Variants in CCDC85C observed in about 807,000 individuals in gnomAD.
CCDC85C encodes coiled-coil domain containing 85C.
In CCDC85C, 18 loss-of-function variants were observed where a neutral mutation model predicts 38.3. The ratio of observed to expected loss-of-function variants is 0.47; its 90% confidence interval spans 0.33 to 0.70. CCDC85C has a LOEUF of 0.70. Among genes scored for constraint, CCDC85C ranks in the 30% least tolerant of loss-of-function variants. CCDC85C has a pLI of 0.03. For synonymous variants in CCDC85C, 264 were observed against 293.8 expected, an observed-to-expected ratio of 0.90 and a Z score of 1.04; for missense variants, 566 against 621.2, an observed-to-expected ratio of 0.91 and a Z score of 0.94.
intron 1 of CCDC85C, among the ~76,000 whole-genome samples, chr14:99,563,203 T>C (rs543652810): frequency 2.0e-3 from 308 of 152,346 alleles, no homozygotes; most frequent in Non-Finnish European, 3.7e-3. Context: ...GCCTCAGCCA[T>C]GGCAGGGACT....
chr14:99,507,175 A>G lies in CCDC85C; in HGVS notation c.*8071T>C, dbSNP rs780803236. The G allele has an allele frequency of 1.5e-6, 2 of 1,367,860 alleles. No homozygotes were observed. The highest frequency in any genetic ancestry group is 1.2e-5 in the South Asian group (1 of 86,246). 84.7% of individuals were successfully genotyped at this position (1,367,860 alleles called of 1,614,324 possible). ...AAGCATCTGCTGAAGCAGCTTGGCC[A>G]GCTGTGCACATCGCCTCTGAATGTT... On this transcript the variant is annotated 3_prime_UTR_variant, in exon 6 of 6. Coordinates refer to ENST00000380243, the MANE Select transcript of CCDC85C (RefSeq NM_001144995.2).
Position 99,572,666 on chromosome 14 carries a change from T to C in CCDC85C, c.793+30501A>G, listed in dbSNP as rs1342316697. On this transcript the variant is annotated intron_variant, in intron 1 of 5. Transcript: ENST00000380243. This position sits in a 1 kb window ranked among gnomAD's most constrained non-coding sequence, Gnocchi z 4.4. Reference sequence around the variant, plus strand: ...TCCAAGCCCCAGGTGACCTGGCCCCTCCTTAAGAGGCCTCCCCTGCCACCA... The same window carrying C: ...TCCAAGCCCCAGGTGACCTGGCCCCCCCTTAAGAGGCCTCCCCTGCCACCA... 2 of 455,748 alleles carry C rather than the reference T, an allele frequency of 4.4e-6. No individual in the cohort carries two copies. Among genetic ancestry groups the C allele is most frequent in the Non-Finnish European group, 8.8e-6 (2 of 226,706 alleles). The allele number at this position is 455,748 out of a possible 1,614,324, so 28.2% of individuals were successfully genotyped here.
chr14:99,587,246 G>A (rs1264931793), intron 1 of CCDC85C, among the ~76,000 whole-genome samples: 1 of 152,224 alleles, frequency 6.6e-6, no homozygotes, highest in African/African-American at 2.4e-5. Context: ...GAGAATCCCG[G>A]GTTCAGAGCA....
intron 1 of CCDC85C, among the ~76,000 whole-genome samples, chr14:99,542,426 C>A (rs1020119774): frequency 6.6e-6 from 1 of 152,184 alleles, no homozygotes. Context: ...CCGTCCATAA[C>A]CATATTCATC....
intron 1 of CCDC85C, among the ~76,000 whole-genome samples, chr14:99,587,450 G>A (rs1338340291): frequency 6.6e-6 from 1 of 152,186 alleles, no homozygotes; most frequent in Admixed American, 6.5e-5. Flanking sequence ...ACCAAGAACA[G>A]GGTACATGGA....
At chr14:99,571,175 C>T (rs1386900759) in intron 1 of CCDC85C, among the ~76,000 whole-genome samples, 3 of 152,082 alleles carry the variant, frequency 2.0e-5, no homozygotes, top group African/African-American at 7.2e-5. Context: ...GAGGGGCCAG[C>T]CGGAGACAGG....
intron 1 of CCDC85C, among the ~76,000 whole-genome samples, chr14:99,577,889 C>T (rs1332596604): frequency 6.8e-6 from 1 of 147,588 alleles, no homozygotes; most frequent in Non-Finnish European, 1.5e-5. Flanking sequence ...ATCTCCACAC[C>T]CATACAGCCC....
Position 99,510,135 on chromosome 14 carries a change from C to T in CCDC85C, c.*5111G>A. The T allele has an allele frequency of 6.3e-7, 1 of 1,584,304 alleles. No homozygotes were observed. The highest frequency in any genetic ancestry group is 8.5e-7 in the Non-Finnish European group (1 of 1,169,944). On this transcript the variant is annotated 3_prime_UTR_variant, in exon 6 of 6. Coordinates refer to ENST00000380243, the MANE Select transcript of CCDC85C (RefSeq NM_001144995.2). The stretch of plus-strand genomic sequence containing the variant: ...AACCATTGCTGGCGGAGGCCGGGCA[C>T]TGATGCGTCTCTCTCCTGCAGACCG...
rs1321073568 is a variant in CCDC85C at position 99,520,502 on chromosome 14, ACGGCCCCTG to A, written c.975+1622_975+1630del. Reference sequence around the variant, plus strand: ...GCCTGCCCGCCGACCAGCCCCAATCACGGCCCCTGCACCTCAGTTCATCCCACTCCTGGG... The same window carrying A: ...GCCTGCCCGCCGACCAGCCCCAATCACACCTCAGTTCATCCCACTCCTGGG... On this transcript the variant is annotated intron_variant, in intron 3 of 5. Transcript: ENST00000380243. This position sits in a 1 kb window ranked among gnomAD's most constrained non-coding sequence, Gnocchi z 4.1. Among the ~76,000 whole-genome samples, 21 of 54,632 alleles carry A rather than the reference ACGGCCCCTG, an allele frequency of 3.8e-4. No homozygotes were observed. Among genetic ancestry groups the A allele is most frequent in the Non-Finnish European group, 7.0e-4 (17 of 24,136 alleles). 35.8% of individuals were successfully genotyped at this position (54,632 alleles called of 152,430 possible). A position where few individuals can be genotyped will look rare whatever the true frequency, so the allele number is the denominator to read the frequency against.
intron 1 of CCDC85C, among the ~76,000 whole-genome samples, chr14:99,552,480 T>A (rs1462148288): frequency 6.6e-6 from 1 of 152,066 alleles, no homozygotes; most frequent in Non-Finnish European, 1.5e-5. Context: ...GGCAGGAGTG[T>A]CTCTGCCCAA....
intron 1 of CCDC85C, among the ~76,000 whole-genome samples, chr14:99,556,290 T>C (rs868209837): frequency 9.2e-5 from 14 of 152,176 alleles, no homozygotes; most frequent in Admixed American, 7.9e-4. Context: ...TGGTGGTGCA[T>C]GCCTGTAGTC....
Position 99,515,159 on chromosome 14 carries a change from G to T in CCDC85C, c.*87C>A. 2.2e-6 allele frequency: 2 copies of T among 925,846 alleles called. No homozygotes were observed. Among genetic ancestry groups the T allele is most frequent in the Non-Finnish European group, 3.3e-6 (2 of 601,192 alleles). 57.4% of individuals were successfully genotyped at this position (925,846 alleles called of 1,614,324 possible). On this transcript the variant is annotated 3_prime_UTR_variant, in exon 6 of 6. Transcript: ENST00000380243. ...ACCACAGAGGAAGAAGACAGGGGCT[G>T]GGCTGGAGGTCCTGCCCGTGTCTGG...
chr14:99,555,682 G>C (rs138807914), intron 1 of CCDC85C, among the ~76,000 whole-genome samples: 1 of 152,228 alleles, frequency 6.6e-6, no homozygotes, highest in African/African-American at 2.4e-5. Flanking sequence ...AAGGACGGGA[G>C]AAGTTAGAAA....
rs779486624 is a variant in CCDC85C, at chr14:99,510,160, G to C, written c.*5086C>G. 6 of 1,595,708 alleles carry C rather than the reference G, an allele frequency of 3.8e-6. No homozygotes were observed. The highest frequency in any genetic ancestry group is 5.1e-6 in the Non-Finnish European group (6 of 1,174,750). On this transcript the variant is annotated 3_prime_UTR_variant, in exon 6 of 6. Transcript: ENST00000380243. Reference sequence around the variant, plus strand: ...CTGATGCGTCTCTCTCCTGCAGACCGGAAGCCTCCCCTCGCTGCTGCCTTA... The same window carrying C: ...CTGATGCGTCTCTCTCCTGCAGACCCGAAGCCTCCCCTCGCTGCTGCCTTA...
chr14:99,557,454 C>T (rs1898033862), intron 1 of CCDC85C, among the ~76,000 whole-genome samples: 1 of 152,266 alleles, frequency 6.6e-6, no homozygotes, highest in Non-Finnish European at 1.5e-5. Context: ...ACCCATCTCC[C>T]TGTCTGTGCC....
intron 1 of CCDC85C, among the ~76,000 whole-genome samples, chr14:99,540,812 G>C (rs1187746906): frequency 6.6e-6 from 1 of 152,206 alleles, no homozygotes; most frequent in East Asian, 1.9e-4. Flanking sequence ...TGAGGAGGGG[G>C]TGGGGGAAAG....
chr14:99,603,940 G>C lies in CCDC85C; in HGVS notation c.20C>G (p.Thr7Arg), dbSNP rs925197448. Residue 7 changes from threonine to arginine, a missense_variant, in exon 1 of 6, where the codon ACG (threonine) becomes AGG (arginine). Around this residue, in one of 3 missense-constraint regions of CCDC85C, gnomAD observed 269 missense variants for 308.2 expected, o/e 0.87. Coordinates refer to ENST00000380243, the MANE Select transcript of CCDC85C (RefSeq NM_001144995.2). This position sits in a 1 kb window ranked among gnomAD's most constrained non-coding sequence, Gnocchi z 7.5. MAKPAA[T>R]AAAASEELSQ... ...CAGCTCCTCCGACGCCGCCGCCGCC[G>C]TCGCCGCGGGCTTAGCCATGGCGGG... The C allele has an allele frequency of 7.1e-7, 1 of 1,407,184 alleles. No individual in the cohort carries two copies. Among genetic ancestry groups the C allele is most frequent in the Non-Finnish European group, 9.2e-7 (1 of 1,086,244 alleles). The allele number at this position is 1,407,184 out of a possible 1,614,324, so 87.2% of individuals were successfully genotyped here.
At chr14:99,515,376 C>T (rs1197048498) in intron 5 of CCDC85C, 41 bp from the exon 6 acceptor site, 19 of 1,432,798 alleles carry the variant, frequency 1.3e-5, no homozygotes, top group South Asian at 1.1e-4. Flanking sequence ...GACTCACCCG[C>T]GTCCACCTGC....
At position 99,504,482 on chromosome 14, in the gene CCDC85C, C is replaced by T. The variant is rs1414024485; in HGVS notation, c.*10764G>A. ...TTTTTTTTTTTGAGACAGAGTTTCA[C>T]TCTTGTTGCCCAGGCTGGAGTGCAG... On this transcript the variant is annotated 3_prime_UTR_variant, in exon 6 of 6. Coordinates refer to ENST00000380243, the MANE Select transcript of CCDC85C (RefSeq NM_001144995.2). The T allele has an allele frequency of 2.1e-5, 3 of 143,784 alleles. No homozygotes were observed. The East Asian group carries it at 6.1e-4, about 29-fold the overall frequency. The allele number at this position is 143,784 out of a possible 1,614,324, so 8.9% of individuals were successfully genotyped here. A position where few individuals can be genotyped will look rare whatever the true frequency, so the allele number is the denominator to read the frequency against.
Sources: allele counts gnomAD v4.1 joint callset (sites outside exome capture counted in the v4.1 genomes callset), GRCh38; gene constraint gnomAD v4.1.1; regional missense constraint gnomAD v4.1.1; non-coding constraint Gnocchi (gnomAD v3.1); transcripts MANE v1.5; gene names NCBI Gene and HGNC (gene_info 2026-07-23, HGNC 2026-07-21).